The following TAFA4 variants were observed in gnomAD, a reference collection of about 807,000 sequenced individuals.
TAFA4 encodes the protein TAFA chemokine like family member 4.
In TAFA4, 20 loss-of-function variants were observed where a neutral mutation model predicts 21.1. The ratio of observed to expected loss-of-function variants is 0.95; its 90% CI spans 0.67 to 1.38. TAFA4 has a LOEUF of 1.38. Ranked by LOEUF, TAFA4 falls within the 40% of genes most tolerant of loss-of-function variation. The pLI is 0.00. For missense variants in TAFA4, 211 were observed against 180.9 expected (o/e 1.17, Z -0.95); for synonymous variants, 71 against 67.4 (o/e 1.05, Z -0.26).
chr3:68,860,457 T>C (rs2089322050), intron 3 of TAFA4, among the ~76,000 whole-genome samples: 2 of 152,170 alleles, frequency 1.3e-5, no homozygotes, highest in Non-Finnish European at 2.9e-5. Context: ...ATGATGCAGC[T>C]ATAATAATCT....
intron 3 of TAFA4, among the ~76,000 whole-genome samples, chr3:68,778,955 G>A (rs575259729): frequency 6.6e-6 from 1 of 152,346 alleles, no homozygotes; most frequent in African/African-American, 2.4e-5. Context: ...ATGTGGGAAA[G>A]TTTGGAATTT....
intron 3 of TAFA4, among the ~76,000 whole-genome samples, chr3:68,794,632 C>T (rs989012015): frequency 9.9e-5 from 15 of 152,214 alleles, no homozygotes; most frequent in African/African-American, 2.6e-4. Flanking sequence ...CACTAGTGAA[C>T]GGCTATGCCT....
In TAFA4 at chr3:68,919,576, T is replaced by C. The variant is rs550966410; in HGVS notation, c.-123+12664A>G. 3.9e-5 allele frequency among the ~76,000 whole-genome samples: 6 copies of C among 152,310 alleles called. No homozygotes were observed. The East Asian group carries it at 1.2e-3, about 29-fold the overall frequency. On this transcript the variant is annotated intron_variant, in intron 1 of 5. Coordinates refer to ENST00000295569, the MANE Select transcript of TAFA4 (RefSeq NM_182522.5). ...ATACATGGCTATTTAAGTTTAAAGC[T>C]AAATTAATTAAAATTAAAGAAAATT...
chr3:68,903,084 C>G (rs2089860221), intron 1 of TAFA4, among the ~76,000 whole-genome samples: 1 of 152,114 alleles, frequency 6.6e-6, no homozygotes, highest in Non-Finnish European at 1.5e-5. Flanking sequence ...ATTTATCTGT[C>G]CTGTAACAAT....
At chr3:68,748,661 T>C (rs1294310432) in intron 4 of TAFA4, among the ~76,000 whole-genome samples, 2 of 151,772 alleles carry the variant, frequency 1.3e-5, no homozygotes, top group Non-Finnish European at 2.9e-5. Context: ...GGAGAAACAC[T>C]TGAACCCGGG....
At chr3:68,847,807 T>C (rs1321235612) in intron 3 of TAFA4, among the ~76,000 whole-genome samples, 1 of 152,206 alleles carries the variant, frequency 6.6e-6, no homozygotes, top group Non-Finnish European at 1.5e-5. Flanking sequence ...TCCATGGAAA[T>C]TTCTCAGGTG....
At chr3:68,777,455 G>T (rs970545126) in intron 3 of TAFA4, among the ~76,000 whole-genome samples, 1 of 152,016 alleles carries the variant, frequency 6.6e-6, no homozygotes, top group Admixed American at 6.5e-5. Flanking sequence ...ATTACCTAAG[G>T]ATATGAAATT....
chr3:68,828,781 A>T (rs1222598792), intron 3 of TAFA4, among the ~76,000 whole-genome samples: 1 of 152,196 alleles, frequency 6.6e-6, no homozygotes, highest in Non-Finnish European at 1.5e-5. Context: ...TTTTGGGCTG[A>T]GACGATGGGG....
chr3:68,815,060 G>C (rs1703938025), intron 3 of TAFA4, among the ~76,000 whole-genome samples: 1 of 152,124 alleles, frequency 6.6e-6, no homozygotes, highest in Non-Finnish European at 1.5e-5. Flanking sequence ...ACAAGAAATG[G>C]GGAAAGGATT....
intron 3 of TAFA4, among the ~76,000 whole-genome samples, chr3:68,756,240 C>T (rs1421087714): frequency 1.3e-5 from 2 of 152,154 alleles, no homozygotes; most frequent in Non-Finnish European, 2.9e-5. Flanking sequence ...GGGAGACTTA[C>T]CTTTGCTCTG....
chr3:68,826,024 G>T (rs1301407490), intron 3 of TAFA4, among the ~76,000 whole-genome samples: 1 of 152,142 alleles, frequency 6.6e-6, no homozygotes, highest in African/African-American at 2.4e-5. Context: ...ATGCTGCAGA[G>T]CTCTAGATAA....
intron 3 of TAFA4, among the ~76,000 whole-genome samples, chr3:68,766,625 G>C (rs538831953): frequency 1.2e-3 from 177 of 150,662 alleles, no homozygotes; most frequent in African/African-American, 4.1e-3. Flanking sequence ...AAAATACTTA[G>C]AGAAACAATC....
At chr3:68,793,530 A>C (rs1347672304) in intron 3 of TAFA4, among the ~76,000 whole-genome samples, 1 of 152,216 alleles carries the variant, frequency 6.6e-6, no homozygotes, top group Non-Finnish European at 1.5e-5. Context: ...CAAAAATGGC[A>C]TTTTAACTTT....
chr3:68,841,948 GA>G (rs1210769112), intron 3 of TAFA4, among the ~76,000 whole-genome samples: 1 of 152,114 alleles, frequency 6.6e-6, no homozygotes, highest in Non-Finnish European at 1.5e-5. Flanking sequence ...GTCTATCATT[GA>G]TGAGTATTTG....
intron 3 of TAFA4, among the ~76,000 whole-genome samples, chr3:68,830,284 TG>T (rs1402545084): frequency 6.6e-6 from 1 of 152,220 alleles, no homozygotes; most frequent in Non-Finnish European, 1.5e-5. Flanking sequence ...GATGTTAGGG[TG>T]TCAATTTTAG....
intron 3 of TAFA4, among the ~76,000 whole-genome samples, chr3:68,795,669 G>A (rs1249386794): frequency 6.6e-6 from 1 of 152,162 alleles, no homozygotes. Context: ...GAGGAAAGTA[G>A]AGGCAAAAGA....
rs371664765 is a variant in TAFA4, at chr3:68,733,220, C to T, written c.412-67G>A. On this transcript the variant is annotated intron_variant, in intron 5 of 5. Coordinates refer to ENST00000295569, the MANE Select transcript of TAFA4 (RefSeq NM_182522.5). ...CCACCGAAATAACCATTCCTGCCCC[C>T]GAGACCAATAAGGTCCTGACTGTGA... 118 of 1,578,368 alleles carry T rather than the reference C, an allele frequency of 7.5e-5. 1 individual carries two copies. In the South Asian group the frequency reaches 9.6e-4, roughly 13 times the overall value.
intron 1 of TAFA4, among the ~76,000 whole-genome samples, chr3:68,917,609 C>G (rs376454962): frequency 1.3e-5 from 2 of 151,930 alleles, no homozygotes; most frequent in African/African-American, 4.8e-5. Flanking sequence ...AAAAAATTAG[C>G]CGGGCGTGGT....
chr3:68,812,303 G>A (rs1321482452), intron 3 of TAFA4, among the ~76,000 whole-genome samples: 1 of 152,100 alleles, frequency 6.6e-6, no homozygotes, highest in Admixed American at 6.6e-5. Context: ...CAAAATGACA[G>A]GATCAAATTC....
Sources: allele counts gnomAD v4.1 joint callset (sites outside exome capture counted in the v4.1 genomes callset), GRCh38; gene constraint gnomAD v4.1.1; transcripts MANE v1.5; gene names NCBI Gene and HGNC (gene_info 2026-07-23, HGNC 2026-07-21).